CADM2: variants seen among roughly 807,000 people sequenced by gnomAD.
The protein encoded by CADM2 is immunoglobulin superfamily member 4D.
CADM2 carries 12 observed loss-of-function variants against 49.8 expected under a neutral mutation model. The observed-to-expected ratio is 0.24, with a 90% confidence interval of 0.15 to 0.39. CADM2 has a LOEUF of 0.39. Ranked by LOEUF, CADM2 falls within the 10% of genes least tolerant of loss-of-function variation. The pLI, the probability that CADM2 is intolerant of heterozygous loss-of-function variation, is 1.00. For missense variants in CADM2, 378 were observed against 492.3 expected (o/e 0.77, Z 2.20); for synonymous variants, 214 against 175.4 (o/e 1.22, Z -1.74).
intron 1 of CADM2, among the ~76,000 whole-genome samples, chr3:85,335,019 A>G (rs1004078391): frequency 3.3e-5 from 5 of 151,478 alleles, no homozygotes; most frequent in African/African-American, 1.2e-4. Context: ...AAAAACAGTC[A>G]TATTAAAATA....
At chr3:85,423,847 G>A (rs2036281971) in intron 1 of CADM2, among the ~76,000 whole-genome samples, 1 of 152,110 alleles carries the variant, frequency 6.6e-6, no homozygotes, top group Non-Finnish European at 1.5e-5. Flanking sequence ...TACTTAAGTA[G>A]ACTTGACAGG....
chr3:85,196,266 T>C (rs2041341644), intron 1 of CADM2, among the ~76,000 whole-genome samples: 1 of 152,036 alleles, frequency 6.6e-6, no homozygotes, highest in South Asian at 2.1e-4. Context: ...GGTGGCTTCA[T>C]GAATTGACTG....
chr3:85,322,830 A>G (rs1403842291), intron 1 of CADM2, among the ~76,000 whole-genome samples: 1 of 152,136 alleles, frequency 6.6e-6, no homozygotes. Context: ...GAGAGCAGAA[A>G]CTCTTGAATG....
chr3:85,878,003 T>C (rs140657873), intron 3 of CADM2, among the ~76,000 whole-genome samples: 160 of 152,202 alleles, frequency 1.1e-3, no homozygotes, highest in Admixed American at 2.9e-3. Context: ...TAAAGTGAAC[T>C]GTAGATGACA....
intron 1 of CADM2, among the ~76,000 whole-genome samples, chr3:84,967,332 T>C (rs1259510391): frequency 6.6e-6 from 1 of 152,156 alleles, no homozygotes; most frequent in Non-Finnish European, 1.5e-5. Context: ...GTCCTAATTT[T>C]CTTAATAAAT....
intron 1 of CADM2, among the ~76,000 whole-genome samples, chr3:85,418,915 T>C (rs2036033040): frequency 6.6e-6 from 1 of 152,096 alleles, no homozygotes; most frequent in South Asian, 2.1e-4. Context: ...ATATTATGGC[T>C]ATATTTGACC....
intron 1 of CADM2, among the ~76,000 whole-genome samples, chr3:85,671,733 G>T (rs1294255406): frequency 6.6e-6 from 1 of 151,966 alleles, no homozygotes; most frequent in Non-Finnish European, 1.5e-5. Flanking sequence ...CTCCCCTCAG[G>T]TATACGCATA....
intron 1 of CADM2, among the ~76,000 whole-genome samples, chr3:85,298,839 T>C (rs1157848441): frequency 6.6e-6 from 1 of 152,112 alleles, no homozygotes; most frequent in African/African-American, 2.4e-5. Context: ...CATATAGTCA[T>C]TGAGTTATTG....
At chr3:85,419,382 C>T (rs976225156) in intron 1 of CADM2, among the ~76,000 whole-genome samples, 1 of 151,850 alleles carries the variant, frequency 6.6e-6, no homozygotes, top group Non-Finnish European at 1.5e-5. Flanking sequence ...GGCGTGAACC[C>T]GGGAGGCGGA....
intron 1 of CADM2, among the ~76,000 whole-genome samples, chr3:85,442,437 A>T (rs1422172048): frequency 6.7e-6 from 1 of 149,560 alleles, no homozygotes; most frequent in Admixed American, 6.8e-5. Flanking sequence ...TGATTTGTAT[A>T]TTAACAAGTA....
chr3:85,614,109 G>A (rs2107461755), intron 1 of CADM2, among the ~76,000 whole-genome samples: 1 of 151,560 alleles, frequency 6.6e-6, no homozygotes, highest in Non-Finnish European at 1.5e-5. Flanking sequence ...ATAATACACA[G>A]ACAATAAAAA....
chr3:85,788,562 C>T (rs1453990713), intron 2 of CADM2, among the ~76,000 whole-genome samples: 1 of 151,774 alleles, frequency 6.6e-6, no homozygotes, highest in African/African-American at 2.4e-5. Context: ...TTTATGCTTC[C>T]AGAGTATGCA....
intron 1 of CADM2, among the ~76,000 whole-genome samples, chr3:85,432,605 A>C (rs1420178324): frequency 6.6e-6 from 1 of 152,170 alleles, no homozygotes; most frequent in East Asian, 1.9e-4. Flanking sequence ...TAGCAGTAAC[A>C]GAAATGTAGT....
At chr3:86,035,586 A>G (rs1735063125) in intron 8 of CADM2, among the ~76,000 whole-genome samples, 1 of 152,048 alleles carries the variant, frequency 6.6e-6, no homozygotes, top group South Asian at 2.1e-4. Flanking sequence ...TAGGCTCAGG[A>G]TCTCTGCTTC....
At chr3:85,782,521 A>C (rs1280981672) in intron 2 of CADM2, among the ~76,000 whole-genome samples, 1 of 151,654 alleles carries the variant, frequency 6.6e-6, no homozygotes, top group Non-Finnish European at 1.5e-5. Flanking sequence ...CTAAAAATAC[A>C]AAAATTAGCC....
At chr3:85,749,670 GGAAGAAATATGTGGTAGTAACAT>G (rs1325655514) in intron 2 of CADM2, among the ~76,000 whole-genome samples, 1 of 151,998 alleles carries the variant, frequency 6.6e-6, no homozygotes, top group Non-Finnish European at 1.5e-5. Flanking sequence ...TGCATAGAGA[GGAAGAAATATGTGGTAGTAACAT>G]GACAATCACT....
chr3:85,396,420 G>T (rs1361567415), intron 1 of CADM2, among the ~76,000 whole-genome samples: 1 of 151,648 alleles, frequency 6.6e-6, no homozygotes, highest in African/African-American at 2.4e-5. Context: ...TATGAGACTG[G>T]CAATGACTCT....
intron 1 of CADM2, among the ~76,000 whole-genome samples, chr3:84,965,411 T>C (rs1350476004): frequency 6.6e-6 from 1 of 152,186 alleles, no homozygotes; most frequent in Non-Finnish European, 1.5e-5. Context: ...TCATAGCTTG[T>C]AGTGGACATA....
intron 2 of CADM2, among the ~76,000 whole-genome samples, chr3:85,788,301 A>G (rs1228469402): frequency 6.6e-6 from 1 of 152,158 alleles, no homozygotes; most frequent in East Asian, 1.9e-4. Context: ...ATAAACTGAA[A>G]TTATACACTA....
Sources: allele counts gnomAD v4.1 joint callset (sites outside exome capture counted in the v4.1 genomes callset), GRCh38; gene constraint gnomAD v4.1.1; transcripts MANE v1.5; gene names NCBI Gene and HGNC (gene_info 2026-07-23, HGNC 2026-07-21).